Variants in BRSK2 observed in about 807,000 individuals in gnomAD.
BRSK2 encodes serine/threonine-protein kinase BRSK2.
In BRSK2, 19 loss-of-function variants were observed where a neutral mutation model predicts 83.3. The observed-to-expected ratio is 0.23, with a 90% CI of 0.16 to 0.33. The LOEUF is 0.33. Ranked by LOEUF, BRSK2 falls within the 10% of genes least tolerant of loss-of-function variation. The pLI, the probability that BRSK2 is intolerant of heterozygous loss-of-function variation, is 1.00. For synonymous variants in BRSK2, 519 were observed against 435.4 expected, an observed-to-expected ratio of 1.19 and a Z score of -2.39; for missense variants, 798 against 1,042.3, an observed-to-expected ratio of 0.77 and a Z score of 3.23.
intron 16 of BRSK2, among the ~76,000 whole-genome samples, chr11:1,455,798 G>C (rs868284210): frequency 6.6e-6 from 1 of 151,932 alleles, no homozygotes; most frequent in East Asian, 1.9e-4. Flanking sequence ...CCTGGGCCCT[G>C]TGCGCTGGGT....
At chr11:1,391,943 GTAAT>G (rs1845755445) in intron 1 of BRSK2, among the ~76,000 whole-genome samples, 2 of 152,278 alleles carry the variant, frequency 1.3e-5, no homozygotes, top group South Asian at 4.1e-4. Context: ...GGTTTCCACT[GTAAT>G]TAACAGTAAT....
At position 1,460,926 on chromosome 11, in the gene BRSK2, CTGCCTG is replaced by C. The variant is rs1564897577; in HGVS notation, c.*205_*210del. 4 of 1,611,650 alleles carry C rather than the reference CTGCCTG, an allele frequency of 2.5e-6. No homozygotes were observed. Among genetic ancestry groups the C allele is most frequent in the Non-Finnish European group, 3.4e-6 (4 of 1,179,234 alleles). ...CTCTCTTTTCTCTCTGTCTCTGCCT[CTGCCTG>C]TCTCTGACAGCATCGCTTGTTTCCA... On this transcript the variant is annotated 3_prime_UTR_variant, in exon 20 of 20. Transcript: ENST00000528841.
chr11:1,396,451 T>C (rs1846125666), intron 1 of BRSK2, among the ~76,000 whole-genome samples: 1 of 152,196 alleles, frequency 6.6e-6, no homozygotes, highest in Non-Finnish European at 1.5e-5. Flanking sequence ...CCTCTCATCA[T>C]GGCCTCACCC....
chr11:1,447,164 G>A (rs7933376), intron 12 of BRSK2, among the ~76,000 whole-genome samples: 1 of 151,976 alleles, frequency 6.6e-6, no homozygotes, highest in African/African-American at 2.4e-5. Flanking sequence ...CAGCCCTGAC[G>A]CCAGTACTAG....
chr11:1,407,351 G>C (rs1419492287), intron 1 of BRSK2, among the ~76,000 whole-genome samples: 1 of 152,158 alleles, frequency 6.6e-6, no homozygotes, highest in Non-Finnish European at 1.5e-5. Flanking sequence ...GCAACACCGT[G>C]GTGTCCCCAC....
chr11:1,446,718 C>T (rs895582517), intron 12 of BRSK2, among the ~76,000 whole-genome samples: 2 of 152,214 alleles, frequency 1.3e-5, no homozygotes, highest in Admixed American at 6.5e-5. Flanking sequence ...ATCCTTGGAG[C>T]CGGTGCGGCC....
At chr11:1,393,289 C>T (rs1845841141) in intron 1 of BRSK2, among the ~76,000 whole-genome samples, 1 of 152,096 alleles carries the variant, frequency 6.6e-6, no homozygotes, top group African/African-American at 2.4e-5. Flanking sequence ...GAGCAGGGCA[C>T]CTTCTTGCCC....
At chr11:1,421,175 G>A (rs192664528) in intron 1 of BRSK2, among the ~76,000 whole-genome samples, 3 of 152,352 alleles carry the variant, frequency 2.0e-5, no homozygotes, top group South Asian at 4.1e-4. Flanking sequence ...CTTCGGAGGG[G>A]AGGGACAGTG....
chr11:1,436,758 C>A (rs1431748414), intron 2 of BRSK2, among the ~76,000 whole-genome samples: 2 of 152,048 alleles, frequency 1.3e-5, no homozygotes, highest in Non-Finnish European at 2.9e-5. Context: ...AGCGTGCGAC[C>A]CTCCCAGCAC....
chr11:1,427,736 T>G (rs1042145963), intron 1 of BRSK2, among the ~76,000 whole-genome samples: 7 of 152,170 alleles, frequency 4.6e-5, no homozygotes, highest in Non-Finnish European at 8.8e-5. Context: ...GGACTCTCAA[T>G]TGGAAAATAA....
intron 1 of BRSK2, 127 bp from the exon 2 acceptor site, chr11:1,435,913 G>A (rs1012824599): frequency 3.6e-5 from 23 of 647,220 alleles, no homozygotes; most frequent in Middle Eastern, 4.3e-4. Context: ...AGGGGCCTCC[G>A]GCCCTGGAGC....
In BRSK2 at chr11:1,390,721, C is replaced by T. The variant is rs951031892; in HGVS notation, c.91+346C>T. 4.6e-5 allele frequency among the ~76,000 whole-genome samples: 7 copies of T among 151,060 alleles called. No individual in the cohort carries two copies. Among genetic ancestry groups the T allele is most frequent in the African/African-American group, 1.7e-4 (7 of 41,258 alleles). On this transcript the variant is annotated intron_variant, in intron 1 of 19. Transcript: ENST00000528841. This position sits in a 1 kb window ranked among gnomAD's most constrained non-coding sequence, Gnocchi z 6.8. ...CCCAGCGACCGGGCCCATTGTGCCG[C>T]GGGAGGAGGGGGCCGCGCGGGCGCC... is the stretch of plus-strand genomic sequence containing the variant.
At chr11:1,401,516 A>G (rs540963321) in intron 1 of BRSK2, among the ~76,000 whole-genome samples, 22 of 152,308 alleles carry the variant, frequency 1.4e-4, no homozygotes, top group East Asian at 3.9e-4. Context: ...TCCTGGAGCC[A>G]GGGAACATCA....
chr11:1,396,763 G>A (rs538767699), intron 1 of BRSK2, among the ~76,000 whole-genome samples: 28 of 152,346 alleles, frequency 1.8e-4, no homozygotes, highest in African/African-American at 5.3e-4. Context: ...GAGAGGAGGC[G>A]GGCTGGTCCC....
chr11:1,433,648 C>A (rs1419667932), intron 1 of BRSK2, among the ~76,000 whole-genome samples: 1 of 152,266 alleles, frequency 6.6e-6, no homozygotes, highest in Non-Finnish European at 1.5e-5. Flanking sequence ...CAGCCTCGTG[C>A]CTGGGGAGGG....
At chr11:1,404,350 A>G (rs1427187947) in intron 1 of BRSK2, among the ~76,000 whole-genome samples, 1 of 152,012 alleles carries the variant, frequency 6.6e-6, no homozygotes, top group Admixed American at 6.5e-5. Context: ...TCCCCTCTTC[A>G]GGGGAGTGGC....
At position 1,425,463 on chromosome 11, in the gene BRSK2, C is replaced by T. The variant is rs114650144; in HGVS notation, c.92-10577C>T. On this transcript the variant is annotated intron_variant, in intron 1 of 19. Coordinates refer to ENST00000528841, the MANE Select transcript of BRSK2 (RefSeq NM_001256627.2). ...TGAGGCCCGCTTGGTCCCAGAGGTG[C>T]GGGTTGGTGACAGCGACGGGGCAGG... Among the ~76,000 whole-genome samples the T allele has an allele frequency of 7.6e-3, 1,152 of 152,290 alleles. 11 individuals are homozygous for T. Among genetic ancestry groups the T allele is most frequent in the African/African-American group, 0.026 (1,095 of 41,568 alleles).
chr11:1,450,977 C>T (rs192094158), intron 14 of BRSK2, among the ~76,000 whole-genome samples, 183 bp downstream of exon 14: 12 of 152,346 alleles, frequency 7.9e-5, no homozygotes, highest in Admixed American at 7.8e-4. Context: ...ACCTGTCGCA[C>T]AGGCTGGTAT....
At chr11:1,451,838 C>T (rs938995899) in intron 15 of BRSK2, among the ~76,000 whole-genome samples, 1 of 152,138 alleles carries the variant, frequency 6.6e-6, no homozygotes, top group Admixed American at 6.5e-5. Flanking sequence ...GCAGCCAAGC[C>T]GAGGTCTGGC....
Sources: allele counts gnomAD v4.1 joint callset (sites outside exome capture counted in the v4.1 genomes callset), GRCh38; gene constraint gnomAD v4.1.1; non-coding constraint Gnocchi (gnomAD v3.1); transcripts MANE v1.5; gene names NCBI Gene and HGNC (gene_info 2026-07-23, HGNC 2026-07-21).